The following AGBL1 variants were observed in gnomAD, a reference collection of about 807,000 sequenced individuals.
The protein encoded by AGBL1 is cytosolic carboxypeptidase 4.
AGBL1 carries 130 observed loss-of-function variants against 118.9 expected under a neutral mutation model. The ratio of observed to expected loss-of-function variants is 1.09; its 90% CI spans 0.95 to 1.26. The LOEUF (loss-of-function observed/expected upper bound fraction) is 1.26, where lower values mean the gene tolerates loss of function less well. Ranked by LOEUF, AGBL1 falls within the 50% of genes most tolerant of loss-of-function variation. The pLI, the probability that AGBL1 is intolerant of heterozygous loss-of-function variation, is 0.00. For missense variants in AGBL1, 1,584 were observed against 1,298.1 expected (o/e 1.22, Z -3.38); for synonymous variants, 555 against 478.9 (o/e 1.16, Z -2.08).
chr15:86,777,220 T>C (rs543113439), intron 22 of AGBL1, among the ~76,000 whole-genome samples: 26 of 152,240 alleles, frequency 1.7e-4, no homozygotes, highest in Admixed American at 1.2e-3. Context: ...TTCCATGTTA[T>C]GTTCCCTTGA....
intron 5 of AGBL1, among the ~76,000 whole-genome samples, chr15:86,162,707 C>T (rs1001028731): frequency 6.6e-6 from 1 of 152,244 alleles, no homozygotes; most frequent in African/African-American, 2.4e-5. Context: ...TAGTTGGTCT[C>T]ACTTCACTTC....
At chr15:86,219,945 CTTTTTTTTTT>C (rs68023928) in intron 5 of AGBL1, among the ~76,000 whole-genome samples, 13 of 85,778 alleles carry the variant, frequency 1.5e-4, no homozygotes, top group Non-Finnish European at 6.5e-5. Flanking sequence ...AATGCTGCCT[CTTTTTTTTTT>C]TTTTTTTTTT....
In AGBL1 at chr15:86,213,764, C is replaced by T. The variant is rs574461479; in HGVS notation, c.489-11150C>T. ...TGTTATTTTTTTATTATAAAAGATA[C>T]ATAACCTAAAATTTGCCGTTTAAAA... On this transcript the variant is annotated intron_variant, in intron 5 of 22. Coordinates refer to ENST00000614907, the MANE Select transcript of AGBL1 (RefSeq NM_001386094.1). Among the ~76,000 whole-genome samples, 6 of 152,222 alleles carry T rather than the reference C, an allele frequency of 3.9e-5. No homozygotes were observed. The East Asian group carries it at 5.8e-4, about 15-fold the overall frequency.
At chr15:86,801,713 G>T (rs187373921) in intron 22 of AGBL1, among the ~76,000 whole-genome samples, 445 of 152,122 alleles carry the variant, frequency 2.9e-3, no homozygotes, top group Non-Finnish European at 4.9e-3. Context: ...TCTCCATCAT[G>T]GTACAGATTT....
At chr15:86,400,358 G>A (rs2081425668) in intron 18 of AGBL1, among the ~76,000 whole-genome samples, 1 of 151,940 alleles carries the variant, frequency 6.6e-6, no homozygotes, top group South Asian at 2.1e-4. Context: ...TAAATCTTGT[G>A]TATATGGTAT....
intron 7 of AGBL1, among the ~76,000 whole-genome samples, chr15:86,248,790 A>T (rs572778400): frequency 6.6e-6 from 1 of 152,340 alleles, no homozygotes; most frequent in Non-Finnish European, 1.5e-5. Flanking sequence ...ATAATTTCAT[A>T]TCGCACTGTG....
intron 21 of AGBL1, among the ~76,000 whole-genome samples, chr15:86,633,199 G>GA (rs1401134387): frequency 2.0e-5 from 3 of 151,938 alleles, no homozygotes; most frequent in South Asian, 2.1e-4. Flanking sequence ...GTGCAGCTCT[G>GA]AAAAAAAATG....
intron 6 of AGBL1, among the ~76,000 whole-genome samples, chr15:86,234,550 CAAA>C (rs397854519): frequency 3.1e-4 from 24 of 76,294 alleles, no homozygotes; most frequent in East Asian, 1.9e-3. Flanking sequence ...GACTCTATCT[CAAA>C]AAAAAAAAAA....
At position 86,909,942 on chromosome 15, in the gene AGBL1, G is replaced by C. The variant is rs1382187387; in HGVS notation, c.*2648G>C. The stretch of plus-strand genomic sequence containing the variant: ...ATGAAGTATTTGTTGATCCATCTAT[G>C]TAACAAATGTATATTTAACCCCTAA... On this transcript the variant is annotated 3_prime_UTR_variant, in exon 23 of 23. Coordinates refer to ENST00000614907, the MANE Select transcript of AGBL1 (RefSeq NM_001386094.1). 3.9e-5 allele frequency: 6 copies of C among 152,186 alleles called. No homozygotes were observed. Among genetic ancestry groups the C allele is most frequent in the Admixed American group, 2.0e-4 (3 of 15,288 alleles). 9.4% of individuals were successfully genotyped at this position (152,186 alleles called of 1,614,324 possible).
intron 22 of AGBL1, among the ~76,000 whole-genome samples, chr15:86,835,334 TG>T (rs2079156968): frequency 6.6e-6 from 1 of 152,070 alleles, no homozygotes; most frequent in African/African-American, 2.4e-5. Context: ...ACAGTTGGGA[TG>T]GTAAAAATCA....
rs2079316058 is a variant in AGBL1 at position 86,279,659 on chromosome 15, C to T, written c.2096C>T (p.Thr699Ile). 1.2e-6 allele frequency: 2 copies of T among 1,613,306 alleles called. No individual in the cohort carries two copies. Among genetic ancestry groups the T allele is most frequent in the Non-Finnish European group, 1.7e-6 (2 of 1,179,484 alleles). ...TTTAGAAATCATTATCGCCAGAGTACAGCTGTTGCAGGCGGAGCATCTGGG... is the reference window on the plus strand; with the variant it reads ...TTTAGAAATCATTATCGCCAGAGTATAGCTGTTGCAGGCGGAGCATCTGGG... ...CYYKNHYRQS[T>I]AVAGGASGKC... Residue 699 changes from threonine to isoleucine, a missense_variant, in exon 16 of 23, where the codon ACA (threonine) becomes ATA (isoleucine). Thr to Ile is a moderately conservative substitution (Grantham distance 89). Transcript: ENST00000614907.
At chr15:86,336,341 T>C (rs1328018441) in intron 17 of AGBL1, among the ~76,000 whole-genome samples, 3 of 152,240 alleles carry the variant, frequency 2.0e-5, no homozygotes, top group Non-Finnish European at 4.4e-5. Context: ...TAGTCATCAC[T>C]CTCTGTAACT....
chr15:86,923,260 C>G (rs1000669357), intron 23 of AGBL1, among the ~76,000 whole-genome samples: 1 of 152,198 alleles, frequency 6.6e-6, no homozygotes. Context: ...AAAAGACTGT[C>G]TCCTTCAGTT....
intron 24 of AGBL1, among the ~76,000 whole-genome samples, chr15:87,002,156 T>G (rs575327533): frequency 6.6e-6 from 1 of 152,104 alleles, no homozygotes; most frequent in South Asian, 2.1e-4. Flanking sequence ...AATTTTTGTA[T>G]AAGGTATAAG....
intron 19 of AGBL1, among the ~76,000 whole-genome samples, chr15:86,534,701 C>T (rs560275919): frequency 9.2e-5 from 14 of 152,206 alleles, no homozygotes; most frequent in Admixed American, 2.0e-4. Flanking sequence ...AAAACCAAAA[C>T]TAAACCAAAA....
intron 18 of AGBL1, among the ~76,000 whole-genome samples, chr15:86,433,266 CTTT>C (rs59417397): frequency 1.6e-3 from 122 of 74,854 alleles, no homozygotes; most frequent in African/African-American, 6.0e-3. Context: ...CCTCCTTCTT[CTTT>C]TTTTTTTTTT....
At position 86,615,932 on chromosome 15, in the gene AGBL1, A is replaced by C. The variant is rs997050047; in HGVS notation, c.2995-58341A>C. 2.8e-5 allele frequency among the ~76,000 whole-genome samples: 1 copy of C among 36,098 alleles called. No individual in the cohort carries two copies. Among genetic ancestry groups the C allele is most frequent in the Admixed American group, 2.5e-4 (1 of 4,054 alleles). The allele number at this position is 36,098 out of a possible 152,430, so 23.7% of individuals were successfully genotyped here. ...ATAAGAAAAGATGTCAACAGGAAAT[A>C]AAAAAAAAATACTCCCACGGAAGTG... On this transcript the variant is annotated intron_variant, in intron 21 of 22. Transcript: ENST00000614907. The surrounding 1 kb of genome is among the most constrained non-coding windows in gnomAD (Gnocchi z 4.3).
At chr15:86,145,945 A>G (rs943619054) in intron 3 of AGBL1, among the ~76,000 whole-genome samples, 4 of 152,176 alleles carry the variant, frequency 2.6e-5, no homozygotes, top group Non-Finnish European at 4.4e-5. Flanking sequence ...TGGAGCTAAA[A>G]CTTGAAGAAT....
At chr15:86,622,639 A>C (rs922864843) in intron 21 of AGBL1, among the ~76,000 whole-genome samples, 1 of 152,152 alleles carries the variant, frequency 6.6e-6, no homozygotes, top group Non-Finnish European at 1.5e-5. Flanking sequence ...GTGAGGGGTC[A>C]TCCCATGCAA....
Sources: allele counts gnomAD v4.1 joint callset (sites outside exome capture counted in the v4.1 genomes callset), GRCh38; gene constraint gnomAD v4.1.1; non-coding constraint Gnocchi (gnomAD v3.1); transcripts MANE v1.5; gene names NCBI Gene and HGNC (gene_info 2026-07-23, HGNC 2026-07-21).